The following IGBP1C variants were observed in gnomAD, a reference collection of about 807,000 sequenced individuals.
The protein encoded by IGBP1C is IGBP1 family member C.
the IGBP1C span, among the ~76,000 whole-genome samples, chr17:58,677,396 G>T: frequency 6.6e-6 from 1 of 152,160 alleles, no homozygotes; most frequent in Non-Finnish European, 1.5e-5. Flanking sequence ...GCTGGATTAA[G>T]GGAACACAGC....
chr17:58,666,147 A>G, the IGBP1C span, among the ~76,000 whole-genome samples: 1 of 152,072 alleles, frequency 6.6e-6, no homozygotes, highest in Admixed American at 6.6e-5. Context: ...GTTCGAGACC[A>G]GCCTTGCCAA....
the IGBP1C span, among the ~76,000 whole-genome samples, chr17:58,684,287 C>T: frequency 6.6e-6 from 1 of 151,746 alleles, no homozygotes; most frequent in Non-Finnish European, 1.5e-5. Context: ...TATGATGAAA[C>T]CCCATCTCTA....
chr17:58,690,714 A>G, the IGBP1C span, among the ~76,000 whole-genome samples: 4 of 152,184 alleles, frequency 2.6e-5, no homozygotes, highest in African/African-American at 4.8e-5. Context: ...GGCCAACCAC[A>G]TTTTGGCCAG....
chr17:58,668,685 ACTT>A, the IGBP1C span, among the ~76,000 whole-genome samples: 4 of 152,162 alleles, frequency 2.6e-5, no homozygotes, highest in Admixed American at 1.3e-4. Context: ...CCCAGAGAGG[ACTT>A]CTTTTTTTTA....
chr17:58,678,219 A>T, the IGBP1C span, among the ~76,000 whole-genome samples: 1 of 152,154 alleles, frequency 6.6e-6, no homozygotes, highest in East Asian at 1.9e-4. Flanking sequence ...AGATGGGCCT[A>T]ATGTAATCAC....
chr17:58,664,244 T>G, the IGBP1C span, among the ~76,000 whole-genome samples: 1 of 152,220 alleles, frequency 6.6e-6, no homozygotes, highest in Non-Finnish European at 1.5e-5. Context: ...ATACTTTGGC[T>G]TTCAATGGTA....
the IGBP1C span, among the ~76,000 whole-genome samples, chr17:58,683,914 A>G: frequency 6.7e-6 from 1 of 149,888 alleles, no homozygotes; most frequent in Admixed American, 6.7e-5. Context: ...AAAATACAAA[A>G]ATTAGCTGGG....
At chr17:58,678,482 A>G in the IGBP1C span, among the ~76,000 whole-genome samples, 1 of 152,196 alleles carries the variant, frequency 6.6e-6, no homozygotes, top group Non-Finnish European at 1.5e-5. Flanking sequence ...ACACCACGGA[A>G]CACTATGCAG....
the IGBP1C span, among the ~76,000 whole-genome samples, chr17:58,689,266 G>A: frequency 6.6e-6 from 1 of 151,732 alleles, no homozygotes; most frequent in African/African-American, 2.4e-5. Flanking sequence ...TCTGTTTCCA[G>A]GCTAGAGTGC....
the IGBP1C span, among the ~76,000 whole-genome samples, chr17:58,683,958 G>A: frequency 6.6e-6 from 1 of 151,684 alleles, no homozygotes. Flanking sequence ...CCAGCTACTC[G>A]GGAGGCTGAG....
chr17:58,676,075 T>TA, the IGBP1C span, among the ~76,000 whole-genome samples: 1 of 151,906 alleles, frequency 6.6e-6, no homozygotes, highest in Non-Finnish European at 1.5e-5. Context: ...CCCTCTCTAC[T>TA]AAAACATAAA....
chr17:58,689,951 G>A, the IGBP1C span, among the ~76,000 whole-genome samples: 1 of 148,610 alleles, frequency 6.7e-6, no homozygotes, highest in Non-Finnish European at 1.5e-5. Flanking sequence ...CTGGGTTCAT[G>A]CAATTCTCCT....
At chr17:58,683,695 G>A in the IGBP1C span, among the ~76,000 whole-genome samples, 3 of 151,298 alleles carry the variant, frequency 2.0e-5, no homozygotes, top group East Asian at 1.9e-4. Context: ...CCCGGAAGGC[G>A]GGGTCTGCAG....
the IGBP1C span, chr17:58,677,742 G>C: frequency 1.3e-5 from 2 of 152,174 alleles, no homozygotes; most frequent in African/African-American, 4.8e-5. Flanking sequence ...AAAGTGGAAG[G>C]CATGGTTGTT....
At chr17:58,660,810 G>A in the IGBP1C span, 48 of 782,266 alleles carry the variant, frequency 6.1e-5, no homozygotes, top group South Asian at 6.4e-4. Flanking sequence ...ATGGAAGCCA[G>A]ACTTGGATAG....
chr17:58,661,995 A>T, the IGBP1C span, among the ~76,000 whole-genome samples: 1 of 151,912 alleles, frequency 6.6e-6, no homozygotes. Flanking sequence ...CTTTGCCAAG[A>T]TTCAAGTATC....
chr17:58,682,051 C>T, the IGBP1C span, among the ~76,000 whole-genome samples: 1 of 150,712 alleles, frequency 6.6e-6, no homozygotes, highest in Non-Finnish European at 1.5e-5. Context: ...AGCCTTGACC[C>T]CCAGGGGTCA....
At chr17:58,685,278 A>T in the IGBP1C span, among the ~76,000 whole-genome samples, 1 of 151,894 alleles carries the variant, frequency 6.6e-6, no homozygotes, top group Admixed American at 6.6e-5. Flanking sequence ...TACTAAAAAA[A>T]TACAAAAATT....
At chr17:58,680,434 C>T in the IGBP1C span, among the ~76,000 whole-genome samples, 6 of 152,256 alleles carry the variant, frequency 3.9e-5, no homozygotes, top group Admixed American at 6.5e-5. Flanking sequence ...ATTGCACAAA[C>T]GCTAATTCTA....
Sources: allele counts gnomAD v4.1 joint callset (sites outside exome capture counted in the v4.1 genomes callset), GRCh38; gene constraint gnomAD v4.1.1; transcripts MANE v1.5; gene names NCBI Gene and HGNC (gene_info 2026-07-23, HGNC 2026-07-21).